LAMA3: variants seen among roughly 807,000 people sequenced by gnomAD.
LAMA3 encodes laminin subunit alpha-3.
LAMA3 carries 281 observed loss-of-function variants against 402.0 expected under a neutral mutation model. The ratio of observed to expected loss-of-function variants is 0.70; its 90% CI spans 0.63 to 0.77. The LOEUF (loss-of-function observed/expected upper bound fraction) is 0.77. LAMA3 is among the 30% of genes least tolerant of loss of function. The probability of loss-of-function intolerance (pLI) is 0.00; values close to 1 mark genes in which losing one functional copy is unlikely to be tolerated. For synonymous variants in LAMA3, 1,431 were observed against 1,558.4 expected, an observed-to-expected ratio of 0.92 and a Z score of 1.93; for missense variants, 3,840 against 4,215.5, an observed-to-expected ratio of 0.91 and a Z score of 2.47.
chr18:23,837,173 G>A lies in LAMA3; in HGVS notation c.3093+84G>A. On this transcript the variant is annotated intron_variant, in intron 25 of 74. Transcript: ENST00000313654. ...TGAAGCTTATTAAAATTTTGGCTGG[G>A]GTTGTATTACTCCTATAATCTGTGA... 7 of 887,540 alleles carry A rather than the reference G, an allele frequency of 7.9e-6. No homozygotes were observed. The South Asian group carries it at 9.9e-5, about 13-fold the overall frequency. The allele number at this position is 887,540 out of a possible 1,614,324, so 55.0% of individuals were successfully genotyped here.
chr18:23,782,754 GC>G (rs1310544281), intron 11 of LAMA3, among the ~76,000 whole-genome samples: 1 of 150,318 alleles, frequency 6.7e-6, no homozygotes, highest in Non-Finnish European at 1.5e-5. Context: ...TGCTTCCCTG[GC>G]TGTGTGAACT....
Position 23,813,055 on chromosome 18 carries a change from A to G in LAMA3, c.1742-2A>G. ...ATTTAAAAATTTCTGAATCATATTC[A>G]GGTTCCAGCAGTGCTTGTGACCCAG... is the stretch of plus-strand genomic sequence containing the variant. On this transcript the variant is annotated splice_acceptor_variant, in intron 13 of 74. Coordinates refer to ENST00000313654, the MANE Select transcript of LAMA3 (RefSeq NM_198129.4). LOFTEE classifies it high-confidence loss of function. 6.2e-7 allele frequency: 1 copy of G among 1,601,194 alleles called. No homozygotes were observed.
intron 68 of LAMA3, among the ~76,000 whole-genome samples, chr18:23,941,673 G>A (rs1026339730): frequency 6.6e-6 from 1 of 152,044 alleles, no homozygotes; most frequent in Non-Finnish European, 1.5e-5. Flanking sequence ...ATGCTCTTTA[G>A]CTCTCTGCCC....
rs997362551 is a variant in LAMA3, at chr18:23,808,257, A to G, written c.1604-2109A>G. Among the ~76,000 whole-genome samples, 6 of 152,320 alleles carry G rather than the reference A, an allele frequency of 3.9e-5. No individual in the cohort carries two copies. In the South Asian group the frequency reaches 1.2e-3, roughly 32 times the overall value. ...AAAATGGCACAGTATTTGCAAATAAACTACACACATCCTCCTATATAAATT... is the reference window on the plus strand; with the variant it reads ...AAAATGGCACAGTATTTGCAAATAAGCTACACACATCCTCCTATATAAATT... On this transcript the variant is annotated intron_variant, in intron 12 of 74. Transcript: ENST00000313654.
In LAMA3 at chr18:23,864,776, C is replaced by G. The variant is rs761466533; in HGVS notation, c.4585-9C>G. ...GCTTGTGCTATTGATGCTATTAATT[C>G]CATTTTAGGTTTCTTCATATGGTGG... On this transcript the variant is annotated splice_polypyrimidine_tract_variant and intron_variant, in intron 35 of 74. Coordinates refer to ENST00000313654, the MANE Select transcript of LAMA3 (RefSeq NM_198129.4). 1.3e-6 allele frequency: 2 copies of G among 1,566,158 alleles called. No individual in the cohort carries two copies. The highest frequency in any genetic ancestry group is 1.8e-6 in the Non-Finnish European group (2 of 1,136,672).
intron 69 of LAMA3, among the ~76,000 whole-genome samples, chr18:23,944,601 G>A (rs2082640836): frequency 6.6e-6 from 1 of 152,188 alleles, no homozygotes; most frequent in Non-Finnish European, 1.5e-5. Flanking sequence ...TTTAAATAAG[G>A]CAGTAGAGAA....
At chr18:23,881,228 G>A (rs1213764997) in intron 39 of LAMA3, among the ~76,000 whole-genome samples, 1 of 152,160 alleles carries the variant, frequency 6.6e-6, no homozygotes, top group Admixed American at 6.5e-5. Context: ...CAGCAACTTT[G>A]ATGTGAAAAT....
chr18:23,744,830 T>TC (rs1157818830), intron 2 of LAMA3, among the ~76,000 whole-genome samples: 2 of 45,038 alleles, frequency 4.4e-5, no homozygotes, highest in Non-Finnish European at 6.1e-5. Flanking sequence ...AGACTCTGTC[T>TC]CAAAAAAAAA....
chr18:23,781,581 A>C (rs1647141874), intron 11 of LAMA3, among the ~76,000 whole-genome samples: 1 of 152,252 alleles, frequency 6.6e-6, no homozygotes, highest in African/African-American at 2.4e-5. Context: ...TGAAGTATGA[A>C]GTGTGACAAG....
chr18:23,842,760 A>G lies in LAMA3; in HGVS notation c.3603+10A>G. 1 of 1,613,650 alleles carries G rather than the reference A, an allele frequency of 6.2e-7. No individual in the cohort carries two copies. Among genetic ancestry groups the G allele is most frequent in the South Asian group, 1.1e-5 (1 of 91,036 alleles). On this transcript the variant is annotated intron_variant, in intron 29 of 74. Coordinates refer to ENST00000313654, the MANE Select transcript of LAMA3 (RefSeq NM_198129.4). ...AAAGTCCTTGGTTTTGGTGCGTTCC[A>G]CTCGTTCCTCAACTTGCTCCTCACA...
At position 23,845,059 on chromosome 18, in the gene LAMA3, C is replaced by CA; in HGVS notation, c.3660dup (p.Ser1221IlefsTer20). 5.0e-6 allele frequency: 8 copies of CA among 1,613,388 alleles called. No individual in the cohort carries two copies. The highest frequency in any genetic ancestry group is 1.1e-5 in the South Asian group (1 of 91,056). ...AAAACTATGACTACCAAATACTTCA[C>CA]AAAAAATCCATGGACAAGTCACTCG... On this transcript the variant is annotated frameshift_variant, in exon 30 of 75. Coordinates refer to ENST00000313654, the MANE Select transcript of LAMA3 (RefSeq NM_198129.4). LOFTEE classifies it high-confidence loss of function.
At chr18:23,803,074 A>G (rs1343925065) in intron 12 of LAMA3, among the ~76,000 whole-genome samples, 1 of 152,218 alleles carries the variant, frequency 6.6e-6, no homozygotes, top group East Asian at 1.9e-4. Flanking sequence ...AAGCAATACT[A>G]TGTGGATACT....
intron 55 of LAMA3, among the ~76,000 whole-genome samples, chr18:23,911,240 A>C (rs773547040): frequency 6.6e-6 from 1 of 152,146 alleles, no homozygotes; most frequent in Admixed American, 6.5e-5. Context: ...GTGGGACCCC[A>C]TCGCTAAGTC....
intron 41 of LAMA3, among the ~76,000 whole-genome samples, chr18:23,886,911 A>T (rs2065090797): frequency 6.6e-6 from 1 of 152,212 alleles, no homozygotes; most frequent in Admixed American, 6.5e-5. Flanking sequence ...AAGGGGCTGG[A>T]AGACACTTGC....
At chr18:23,834,777 C>T (rs2063550838) in intron 24 of LAMA3, 1 of 152,206 alleles carries the variant, frequency 6.6e-6, no homozygotes, top group Non-Finnish European at 1.5e-5. Flanking sequence ...CCAAGATGAC[C>T]TGAAGCAATG....
At chr18:23,794,097 C>A (rs1005144461) in intron 12 of LAMA3, among the ~76,000 whole-genome samples, 1 of 152,250 alleles carries the variant, frequency 6.6e-6, no homozygotes, top group African/African-American at 2.4e-5. Flanking sequence ...GGAACCTCCC[C>A]ACATGTTCAG....
rs754136906 is a variant in LAMA3, at chr18:23,912,727, G to A, written c.7175G>A (p.Arg2392Lys). The A allele has an allele frequency of 8.7e-6, 14 of 1,613,954 alleles. No homozygotes were observed. The highest frequency in any genetic ancestry group is 6.7e-5 in the African/African-American group (5 of 74,922). ...TCCTCACAGGTTGCTGTCCCCATGAGGTTCAATGGTAAATCTGGAGTCGAA... is the reference window on the plus strand; with the variant it reads ...TCCTCACAGGTTGCTGTCCCCATGAAGTTCAATGGTAAATCTGGAGTCGAA... The part of the protein sequence containing the change: ...DAASKVAVPM[R>K]FNGKSGVEVR... Residue 2392 changes from arginine to lysine, a missense_variant, in exon 56 of 75, where the codon AGG (arginine) becomes AAG (lysine). By Grantham distance (26) the Arg-to-Lys change is conservative. This residue lies in a region of LAMA3 where 891 missense variants were observed against 857.5 expected (regional missense o/e 1.04). Transcript: ENST00000313654.
At chr18:23,941,340 C>T (rs1294598019) in intron 68 of LAMA3, among the ~76,000 whole-genome samples, 3 of 146,486 alleles carry the variant, frequency 2.0e-5, no homozygotes, top group Non-Finnish European at 3.0e-5. Flanking sequence ...CCCCCCCGCC[C>T]GGCAGCTTCT....
chr18:23,880,203 C>G (rs1211377278), intron 39 of LAMA3, among the ~76,000 whole-genome samples: 1 of 152,142 alleles, frequency 6.6e-6, no homozygotes, highest in Non-Finnish European at 1.5e-5. Flanking sequence ...GTGTCCAGAC[C>G]TGAAGGAGTC....
Sources: allele counts gnomAD v4.1 joint callset (sites outside exome capture counted in the v4.1 genomes callset), GRCh38; gene constraint gnomAD v4.1.1; regional missense constraint gnomAD v4.1.1; transcripts MANE v1.5; gene names NCBI Gene and HGNC (gene_info 2026-07-23, HGNC 2026-07-21).